The following CSMD1 variants were observed in gnomAD, a reference collection of about 807,000 sequenced individuals.
CSMD1 encodes CUB and sushi domain-containing protein 1.
A neutral mutation model predicts 417.5 loss-of-function variants in CSMD1; 213 were observed. The observed-to-expected ratio is 0.51, with a 90% CI of 0.46 to 0.57. The LOEUF is 0.57. CSMD1 is among the 20% of genes least tolerant of loss of function. CSMD1 has a pLI of 0.00. For synonymous variants in CSMD1, 2,862 were observed against 1,736.8 expected, an observed-to-expected ratio of 1.65 and a Z score of -16.11; for missense variants, 6,923 against 4,529.7, an observed-to-expected ratio of 1.53 and a Z score of -15.17.
At chr8:4,098,514 G>T (rs1050648437) in intron 3 of CSMD1, among the ~76,000 whole-genome samples, 2 of 152,114 alleles carry the variant, frequency 1.3e-5, no homozygotes, top group Non-Finnish European at 2.9e-5. Flanking sequence ...CAGTTACCCA[G>T]CTGCGAAGTC....
chr8:4,588,553 C>T (rs566908029), intron 2 of CSMD1, among the ~76,000 whole-genome samples: 1 of 151,832 alleles, frequency 6.6e-6, no homozygotes, highest in Non-Finnish European at 1.5e-5. Flanking sequence ...CCAGCCCTTT[C>T]GGAGGCCGAG....
intron 3 of CSMD1, among the ~76,000 whole-genome samples, chr8:4,035,892 C>A (rs1004885748): frequency 6.6e-6 from 1 of 152,142 alleles, no homozygotes. Context: ...TTCACAGTCA[C>A]CCCTCACTCA....
At chr8:4,285,046 A>C (rs1250304529) in intron 3 of CSMD1, among the ~76,000 whole-genome samples, 1 of 152,188 alleles carries the variant, frequency 6.6e-6, no homozygotes, top group Non-Finnish European at 1.5e-5. Context: ...AACTGTTGTA[A>C]GCATAACACA....
Position 3,284,198 on chromosome 8 carries a change from G to T in CSMD1, c.4099C>A (p.Gln1367Lys), listed in dbSNP as rs199671079. Residue 1367 changes from glutamine (Q) to lysine (K), a missense_variant, in exon 26 of 70, where the codon CAG becomes AAG. Gln to Lys is a moderately conservative substitution (Grantham distance 53). Transcript: ENST00000635120. ...IHSTFNSLTL[Q>K]FDSDFFISKS... The stretch of plus-strand genomic sequence containing the variant: ...CTGATGAAGAAGTCGCTGTCGAACT[G>T]CAGGGTGAGTGAGTTGAAGGTGCTG... 192 of 1,605,636 alleles carry T rather than the reference G, an allele frequency of 1.2e-4. 1 individual carries two copies. Among genetic ancestry groups the T allele is most frequent in the Middle Eastern group, 1.6e-4 (1 of 6,080 alleles).
chr8:3,318,638 G>T (rs1012941452), intron 23 of CSMD1, among the ~76,000 whole-genome samples: 1 of 152,186 alleles, frequency 6.6e-6, no homozygotes, highest in African/African-American at 2.4e-5. Flanking sequence ...TGCCCTTTGG[G>T]ACTCAGAGTT....
Position 3,308,394 on chromosome 8 carries a change from C to A in CSMD1, c.3741G>T (p.Gly1247=). 6.2e-7 allele frequency: 1 copy of A among 1,613,768 alleles called. No individual in the cohort carries two copies. Among genetic ancestry groups the A allele is most frequent in the South Asian group, 1.1e-5 (1 of 91,062 alleles). The change falls in exon 24 of 70, where the codon GGG becomes GGT. Residue 1247 remains glycine, a synonymous_variant. Coordinates refer to ENST00000635120, the MANE Select transcript of CSMD1 (RefSeq NM_033225.6). ...GGGTGTTGCTGCCATGCATGGCGTA[C>A]CCCGGGTTGCAACTGTACAGAACTA... ...DTVVLYSCNP[G]YAMHGSNTLT...
intron 51 of CSMD1, among the ~76,000 whole-genome samples, chr8:3,028,482 T>G (rs1325061682): frequency 6.6e-6 from 1 of 152,150 alleles, no homozygotes; most frequent in Non-Finnish European, 1.5e-5. Flanking sequence ...AGGGCTATCT[T>G]AGAGAAACGG....
chr8:4,929,168 A>C (rs1240570174), intron 1 of CSMD1, among the ~76,000 whole-genome samples: 1 of 152,206 alleles, frequency 6.6e-6, no homozygotes, highest in African/African-American at 2.4e-5. Flanking sequence ...GAAAGACATC[A>C]GAGAAGCTCC....
chr8:3,710,168 GT>G (rs1333016881), intron 6 of CSMD1, among the ~76,000 whole-genome samples: 1 of 152,072 alleles, frequency 6.6e-6, no homozygotes, highest in South Asian at 2.1e-4. Context: ...TTGTCTGCAA[GT>G]TTTTTGTTTT....
intron 10 of CSMD1, among the ~76,000 whole-genome samples, chr8:3,495,580 C>G (rs1433492267): frequency 6.6e-6 from 1 of 152,326 alleles, no homozygotes; most frequent in Middle Eastern, 3.4e-3. Flanking sequence ...GCTGCTGATG[C>G]TCAGTAAAAA....
intron 8 of CSMD1, among the ~76,000 whole-genome samples, chr8:3,602,387 T>A (rs1167886355): frequency 2.0e-5 from 3 of 152,140 alleles, no homozygotes; most frequent in African/African-American, 4.8e-5. Context: ...ATGAATCACC[T>A]GAGATTCTGA....
chr8:3,444,826 C>A (rs1815202119), intron 12 of CSMD1, among the ~76,000 whole-genome samples: 1 of 152,150 alleles, frequency 6.6e-6, no homozygotes, highest in African/African-American at 2.4e-5. Context: ...ATAGGAGAAC[C>A]TCAGCAAGTA....
chr8:4,303,958 C>G (rs1798117422), intron 3 of CSMD1, among the ~76,000 whole-genome samples: 1 of 152,166 alleles, frequency 6.6e-6, no homozygotes, highest in African/African-American at 2.4e-5. Context: ...GCCACTTTTC[C>G]CTCTTCCTTT....
chr8:3,520,049 G>C (rs1040175262), intron 10 of CSMD1, among the ~76,000 whole-genome samples: 3 of 110,860 alleles, frequency 2.7e-5, no homozygotes, highest in Admixed American at 9.2e-5. Flanking sequence ...TACACGTATA[G>C]TTGTGAAACT....
At chr8:3,742,427 T>C (rs1796853642) in intron 6 of CSMD1, among the ~76,000 whole-genome samples, 1 of 152,208 alleles carries the variant, frequency 6.6e-6, no homozygotes, top group Admixed American at 6.5e-5. Flanking sequence ...TCAGTAAATT[T>C]TTAATTGTGC....
chr8:3,406,256 A>G, intron 14 of CSMD1, 35 bp from the exon 15 acceptor site: 1 of 1,503,140 alleles, frequency 6.7e-7, no homozygotes, highest in East Asian at 2.4e-5. Context: ...AGGAATAAAA[A>G]TACTTGAGTA....
chr8:4,152,594 G>A (rs1455089805), intron 3 of CSMD1, among the ~76,000 whole-genome samples: 2 of 151,784 alleles, frequency 1.3e-5, no homozygotes, highest in East Asian at 3.9e-4. Flanking sequence ...GGAGGCTTAA[G>A]TGGGAAGATC....
At chr8:4,578,253 C>T (rs373970937) in intron 2 of CSMD1, among the ~76,000 whole-genome samples, 6 of 151,114 alleles carry the variant, frequency 4.0e-5, no homozygotes, top group Non-Finnish European at 5.9e-5. Context: ...CTCTGCCTCC[C>T]GGGTTCACGC....
intron 10 of CSMD1, among the ~76,000 whole-genome samples, chr8:3,520,980 C>G (rs763339551): frequency 6.6e-6 from 1 of 152,066 alleles, no homozygotes; most frequent in Admixed American, 6.6e-5. Flanking sequence ...AACCATGTGC[C>G]CATCAAAGTC....
Sources: allele counts gnomAD v4.1 joint callset (sites outside exome capture counted in the v4.1 genomes callset), GRCh38; gene constraint gnomAD v4.1.1; transcripts MANE v1.5; gene names NCBI Gene and HGNC (gene_info 2026-07-23, HGNC 2026-07-21).